ZIM2: variants seen among roughly 807,000 people sequenced by gnomAD.
The protein encoded by ZIM2 is zinc finger protein 656.
ZIM2 carries 14 observed loss-of-function variants against 38.6 expected under a neutral mutation model. The observed-to-expected ratio is 0.36, with a 90% CI of 0.24 to 0.57. The LOEUF is 0.57. ZIM2 is among the 20% of genes least tolerant of loss of function. The pLI is 0.81. For missense variants in ZIM2, 680 were observed against 695.1 expected (o/e 0.98, Z 0.24); for synonymous variants, 247 against 245.8 (o/e 1.00, Z -0.04).
chr19:56,784,821 C>A (rs1186398913), intron 10 of ZIM2, among the ~76,000 whole-genome samples: 1 of 152,020 alleles, frequency 6.6e-6, no homozygotes, highest in Non-Finnish European at 1.5e-5. Context: ...CACATAAGAT[C>A]CCTTGATACT....
At chr19:56,788,226 T>TA (rs2046734410) in intron 10 of ZIM2, among the ~76,000 whole-genome samples, 1 of 152,218 alleles carries the variant, frequency 6.6e-6, no homozygotes, top group African/African-American at 2.4e-5. Context: ...CTTTCCTGCT[T>TA]TCTCCTGTGG....
chr19:56,778,809 G>GT (rs1241555545), intron 12 of ZIM2, among the ~76,000 whole-genome samples: 3 of 152,148 alleles, frequency 2.0e-5, no homozygotes, highest in African/African-American at 4.8e-5. Flanking sequence ...CATGAAGATG[G>GT]TAAGCGTTAT....
chr19:56,792,207 A>G (rs556927163), intron 9 of ZIM2, among the ~76,000 whole-genome samples: 1 of 152,184 alleles, frequency 6.6e-6, no homozygotes, highest in East Asian at 1.9e-4. Flanking sequence ...CTGCAGCAAC[A>G]TGGGTGCAGC....
chr19:56,787,250 G>T (rs1299919363), intron 10 of ZIM2, among the ~76,000 whole-genome samples: 1 of 151,910 alleles, frequency 6.6e-6, no homozygotes, highest in Non-Finnish European at 1.5e-5. Context: ...AACAAATTTT[G>T]TTATGTGTCT....
chr19:56,781,576 A>G (rs979915415), intron 11 of ZIM2, among the ~76,000 whole-genome samples: 2 of 152,124 alleles, frequency 1.3e-5, no homozygotes, highest in African/African-American at 4.8e-5. Context: ...CAGATTCTGG[A>G]GTCTGCTTGG....
chr19:56,788,191 T>C (rs1189209175), intron 10 of ZIM2, among the ~76,000 whole-genome samples: 3 of 152,142 alleles, frequency 2.0e-5, no homozygotes, highest in Non-Finnish European at 4.4e-5. Context: ...ATTTTAATTG[T>C]GATGTTAGGG....
chr19:56,812,121 T>C (rs190990186), intron 9 of ZIM2: 21 of 966,274 alleles, frequency 2.2e-5, no homozygotes, highest in Non-Finnish European at 2.5e-5. Flanking sequence ...ATCTTTTTTT[T>C]TAAATTTTTT....
intron 9 of ZIM2, chr19:56,816,175 G>T: frequency 6.2e-7 from 1 of 1,613,974 alleles, no homozygotes; most frequent in Non-Finnish European, 8.5e-7. Flanking sequence ...GTTTTCATAG[G>T]GGTTAGAGCT....
At chr19:56,813,440 G>T (rs1956391316) in intron 9 of ZIM2, 1 of 1,347,322 alleles carries the variant, frequency 7.4e-7, no homozygotes, top group African/African-American at 1.5e-5. Flanking sequence ...GGAAAGGTAA[G>T]ATGTGTGCTA....
intron 2 of ZIM2, among the ~76,000 whole-genome samples, chr19:56,829,491 C>T (rs1244622996): frequency 6.6e-6 from 1 of 152,146 alleles, no homozygotes; most frequent in Non-Finnish European, 1.5e-5. Flanking sequence ...GGGACGAGCA[C>T]CACTGACAGG....
intron 9 of ZIM2, chr19:56,810,991 G>A: frequency 1.0e-6 from 1 of 973,138 alleles, no homozygotes; most frequent in Non-Finnish European, 1.2e-6. Flanking sequence ...TAATGTAACA[G>A]CTATTTTGAA....
At chr19:56,789,745 G>T in intron 10 of ZIM2, 127 bp downstream of exon 10, 1 of 834,898 alleles carries the variant, frequency 1.2e-6, no homozygotes, top group Non-Finnish European at 1.7e-6. Context: ...AAAAGGCTCA[G>T]TAAAGTGATA....
rs1389655072 is a variant in ZIM2, at chr19:56,814,205, C to A, written c.490+3541G>T. On this transcript the variant is annotated intron_variant, in intron 9 of 12. Transcript: ENST00000629319. This position sits in a 1 kb window ranked among gnomAD's most constrained non-coding sequence, Gnocchi z 5.8. The stretch of plus-strand genomic sequence containing the variant: ...TCTCCGTTTGGCTCAGCAGCCTCCA[C>A]TTCTGGCTCAGCAGCCTCCACTTCT... The A allele has an allele frequency of 6.2e-7, 1 of 1,611,528 alleles. No homozygotes were observed. The highest frequency in any genetic ancestry group is 1.3e-5 in the African/African-American group (1 of 75,002).
chr19:56,815,205 ATGGGTCTCCTCGCTG>A (rs757349177), intron 9 of ZIM2: 38 of 1,613,872 alleles, frequency 2.4e-5, no homozygotes, highest in Non-Finnish European at 2.9e-5. Flanking sequence ...TCTCCTGACC[ATGGGTCTCCTCGCTG>A]TGGGTCTCCT....
At chr19:56,815,229 C>T (rs1488828805) in intron 9 of ZIM2, 2 of 1,613,976 alleles carry the variant, frequency 1.2e-6, no homozygotes, top group Non-Finnish European at 1.7e-6. Context: ...TGTGGGTCTC[C>T]TCCCCATCAG....
Position 56,774,601 on chromosome 19 carries a change from G to A in ZIM2, c.*87C>T, listed in dbSNP as rs1353770333. Reference sequence around the variant, plus strand: ...AATGTTCAAGTTGTTAACAAGGTGGGGCTAGTGAAAGGCCTTCTCACACTC... The same window carrying A: ...AATGTTCAAGTTGTTAACAAGGTGGAGCTAGTGAAAGGCCTTCTCACACTC... On this transcript the variant is annotated 3_prime_UTR_variant, in exon 13 of 13. Transcript: ENST00000629319. The A allele has an allele frequency of 6.6e-7, 1 of 1,504,564 alleles. No individual in the cohort carries two copies. 93.2% of individuals were successfully genotyped at this position (1,504,564 alleles called of 1,614,324 possible). A position where few individuals can be genotyped will look rare whatever the true frequency, so the allele number is the denominator to read the frequency against.
chr19:56,789,552 AT>A (rs1424601158), intron 10 of ZIM2, among the ~76,000 whole-genome samples: 4 of 152,364 alleles, frequency 2.6e-5, no homozygotes, highest in Non-Finnish European at 5.9e-5. Context: ...TACTAAAAAA[AT>A]AAGTAAACAA....
intron 12 of ZIM2, among the ~76,000 whole-genome samples, chr19:56,776,540 A>G (rs148445328): frequency 6.6e-6 from 1 of 152,212 alleles, no homozygotes; most frequent in Non-Finnish European, 1.5e-5. Flanking sequence ...GAAACACTGG[A>G]GCAAACAGGT....
intron 9 of ZIM2, 53 bp downstream of exon 9, chr19:56,817,693 G>C (rs371053432): frequency 6.4e-7 from 1 of 1,561,600 alleles, no homozygotes; most frequent in Non-Finnish European, 8.8e-7. Flanking sequence ...GAAGTTCCTT[G>C]ATAGCATCTC....
Sources: gnomAD v4.1 joint callset for allele counts (sites outside exome capture counted in the v4.1 genomes callset) on GRCh38, gnomAD v4.1.1 for gene constraint, Gnocchi (gnomAD v3.1) non-coding constraint, MANE v1.5 for transcripts, NCBI Gene and HGNC (gene_info 2026-07-23, HGNC 2026-07-21) for gene names.